The following PLD1 variants were observed in gnomAD, a reference collection of about 807,000 sequenced individuals.
PLD1 encodes choline phosphatase 1.
In PLD1, 112 loss-of-function variants were observed where a neutral mutation model predicts 137.1. The observed-to-expected ratio is 0.82, with a 90% CI of 0.70 to 0.96. The LOEUF (loss-of-function observed/expected upper bound fraction) is 0.96, where lower values mean the gene tolerates loss of function less well. Ranked by LOEUF, PLD1 falls within the 40% of genes least tolerant of loss-of-function variation. The probability of loss-of-function intolerance (pLI) is 0.00; values close to 1 mark genes in which losing one functional copy is unlikely to be tolerated. For missense variants in PLD1, 1,321 were observed against 1,342.0 expected, an observed-to-expected ratio of 0.98 and a Z score of 0.24; for synonymous variants, 431 against 454.7, an observed-to-expected ratio of 0.95 and a Z score of 0.66.
At chr3:171,746,648 T>C (rs527313993) in intron 1 of PLD1, among the ~76,000 whole-genome samples, 1 of 152,280 alleles carries the variant, frequency 6.6e-6, no homozygotes, top group South Asian at 2.1e-4. Flanking sequence ...GGAGAACCTT[T>C]ATGTCTAGCT....
chr3:171,709,471 G>A, intron 10 of PLD1, 89 bp downstream of exon 10: 1 of 1,116,338 alleles, frequency 9.0e-7, no homozygotes, highest in East Asian at 2.4e-5. Flanking sequence ...ATCTTTCACA[G>A]TTTTGAAAAC....
intron 16 of PLD1, among the ~76,000 whole-genome samples, chr3:171,683,290 G>A (rs1714196476): frequency 6.6e-6 from 1 of 152,106 alleles, no homozygotes; most frequent in Non-Finnish European, 1.5e-5. Context: ...ATGATCCTTG[G>A]AAAATGTAAG....
chr3:171,636,103 T>A (rs569416424), intron 23 of PLD1, among the ~76,000 whole-genome samples: 1 of 150,498 alleles, frequency 6.6e-6, no homozygotes, highest in South Asian at 2.2e-4. Context: ...ACCATAATCA[T>A]AAGAATTATT....
At chr3:171,727,593 C>CG (rs1338133295) in intron 6 of PLD1, among the ~76,000 whole-genome samples, 1 of 152,126 alleles carries the variant, frequency 6.6e-6, no homozygotes, top group African/African-American at 2.4e-5. Flanking sequence ...AGGAAGCAGA[C>CG]GGGAGACCAG....
At chr3:171,746,790 C>T (rs187021039) in intron 1 of PLD1, among the ~76,000 whole-genome samples, 153 of 152,298 alleles carry the variant, frequency 1.0e-3, no homozygotes, top group Middle Eastern at 3.4e-3. Flanking sequence ...GTAAAATGGA[C>T]GAATCAGCAG....
At chr3:171,720,451 G>C (rs1202501798) in intron 8 of PLD1, among the ~76,000 whole-genome samples, 2 of 151,836 alleles carry the variant, frequency 1.3e-5, no homozygotes, top group Non-Finnish European at 2.9e-5. Context: ...GCGTCATGCC[G>C]GGCGCCTGTA....
At chr3:171,699,522 G>A (rs1716055867) in intron 12 of PLD1, among the ~76,000 whole-genome samples, 1 of 152,138 alleles carries the variant, frequency 6.6e-6, no homozygotes, top group South Asian at 2.1e-4. Flanking sequence ...AAGAATTAGA[G>A]ATGCTAACAT....
intron 1 of PLD1, among the ~76,000 whole-genome samples, chr3:171,805,598 T>C (rs1723811909): frequency 6.6e-6 from 1 of 152,146 alleles, no homozygotes; most frequent in African/African-American, 2.4e-5. Flanking sequence ...CTTCTACCCT[T>C]TGACATACCC....
chr3:171,775,975 A>T (rs1722577985), intron 1 of PLD1, among the ~76,000 whole-genome samples: 1 of 152,234 alleles, frequency 6.6e-6, no homozygotes, highest in African/African-American at 2.4e-5. Context: ...TTTCAAAGCT[A>T]GGATGCAAAC....
At chr3:171,647,425 T>C (rs1295493107) in intron 21 of PLD1, among the ~76,000 whole-genome samples, 2 of 152,118 alleles carry the variant, frequency 1.3e-5, no homozygotes, top group East Asian at 1.9e-4. Context: ...GTAAAATACA[T>C]GTAATATAAA....
intron 12 of PLD1, among the ~76,000 whole-genome samples, chr3:171,696,181 C>T (rs530724864): frequency 1.3e-5 from 2 of 152,316 alleles, no homozygotes; most frequent in Non-Finnish European, 2.9e-5. Context: ...ATATCACAAG[C>T]TTCTAAGGTT....
chr3:171,687,904 A>G (rs772484120), intron 14 of PLD1, among the ~76,000 whole-genome samples: 18 of 152,206 alleles, frequency 1.2e-4, no homozygotes, highest in Admixed American at 9.8e-4. Context: ...TTGTTCCTCT[A>G]ATAAACATTA....
At chr3:171,700,513 T>C (rs1443482426) in intron 11 of PLD1, among the ~76,000 whole-genome samples, 1 of 152,186 alleles carries the variant, frequency 6.6e-6, no homozygotes, top group Non-Finnish European at 1.5e-5. Flanking sequence ...GGGAAGACCA[T>C]AACCCCAGAA....
intron 19 of PLD1, among the ~76,000 whole-genome samples, chr3:171,664,536 A>G (rs1413019306): frequency 2.0e-5 from 3 of 151,242 alleles, no homozygotes; most frequent in Non-Finnish European, 4.4e-5. Flanking sequence ...CAGCTCACTG[A>G]AACCTCTGTC....
At chr3:171,672,495 A>ATT (rs58654667) in intron 19 of PLD1, among the ~76,000 whole-genome samples, 2 of 136,080 alleles carry the variant, frequency 1.5e-5, no homozygotes, top group Non-Finnish European at 3.2e-5. Context: ...TTTTATTTTT[A>ATT]TTTTTTTTTT....
intron 9 of PLD1, 52 bp from the exon 10 acceptor site, chr3:171,709,761 A>C: frequency 8.8e-4 from 1,283 of 1,458,404 alleles, no homozygotes; most frequent in Non-Finnish European, 1.1e-3. Context: ...GTTCTATCTC[A>C]TGCTCTTTTT....
intron 21 of PLD1, 107 bp downstream of exon 21, chr3:171,659,106 T>G (rs1288726672): frequency 1.3e-6 from 1 of 774,730 alleles, no homozygotes. Flanking sequence ...TGAACCAAAT[T>G]TAAGCTGCTA....
At chr3:171,604,826 C>CTATTCTTT (rs545817968) in intron 26 of PLD1, among the ~76,000 whole-genome samples, 39 of 152,338 alleles carry the variant, frequency 2.6e-4, no homozygotes, top group African/African-American at 8.4e-4. Context: ...ATTCACTAGA[C>CTATTCTTT]TATTCTTTGT....
chr3:171,804,633 TC>T (rs1723776459), intron 1 of PLD1, among the ~76,000 whole-genome samples: 1 of 152,130 alleles, frequency 6.6e-6, no homozygotes, highest in Non-Finnish European at 1.5e-5. Context: ...ACATATAAAA[TC>T]CACCCATGGA....
Sources: gnomAD v4.1 joint callset for allele counts (sites outside exome capture counted in the v4.1 genomes callset) on GRCh38, gnomAD v4.1.1 for gene constraint, MANE v1.5 for transcripts, NCBI Gene and HGNC (gene_info 2026-07-23, HGNC 2026-07-21) for gene names.